The following UCK2 variants were observed in gnomAD, a reference collection of about 807,000 sequenced individuals.
The protein encoded by UCK2 is cytidine monophosphokinase 2.
In UCK2, 6 loss-of-function variants were observed where a neutral mutation model predicts 30.8. The ratio of observed to expected loss-of-function variants is 0.19; its 90% CI spans 0.11 to 0.38. UCK2 has a LOEUF of 0.38. Among genes scored for constraint, UCK2 ranks in the 10% least tolerant of loss-of-function variants. UCK2 has a pLI of 1.00. For missense variants in UCK2, 210 were observed against 339.8 expected, an observed-to-expected ratio of 0.62 and a Z score of 3.00; for synonymous variants, 125 against 133.6, an observed-to-expected ratio of 0.94 and a Z score of 0.45.
rs1452377088 is a variant in UCK2 at position 165,861,640 on chromosome 1, A to C, written c.100-28564A>C. Among the ~76,000 whole-genome samples the C allele has an allele frequency of 6.3e-5, 8 of 126,654 alleles. 1 individual carries two copies. The highest frequency in any genetic ancestry group is 2.5e-4 in the South Asian group (1 of 3,984). 83.1% of individuals were successfully genotyped at this position (126,654 alleles called of 152,430 possible). A position where few individuals can be genotyped will look rare whatever the true frequency, so the allele number is the denominator to read the frequency against. ...GAGACTCCGTCTCAAAAAAAAAAAAAAAAAAAAAACAAAAAAAAACAACAG... is the reference window on the plus strand; with the variant it reads ...GAGACTCCGTCTCAAAAAAAAAAAACAAAAAAAAACAAAAAAAAACAACAG... On this transcript the variant is annotated intron_variant, in intron 1 of 6. Transcript: ENST00000367879.
chr1:165,847,297 C>CAATA (rs1654474754), intron 1 of UCK2, among the ~76,000 whole-genome samples: 1 of 151,992 alleles, frequency 6.6e-6, no homozygotes, highest in Non-Finnish European at 1.5e-5. Flanking sequence ...TTACATAAAA[C>CAATA]AATAAATAAT....
chr1:165,841,111 G>GTA (rs61030546), intron 1 of UCK2, among the ~76,000 whole-genome samples: 1,740 of 144,928 alleles, frequency 0.012, 24 homozygotes, highest in African/African-American at 0.038. Flanking sequence ...GTGTGTGTGT[G>GTA]TATATATATA....
intron 1 of UCK2, among the ~76,000 whole-genome samples, chr1:165,840,139 GA>G (rs1489433709): frequency 6.6e-6 from 1 of 152,170 alleles, no homozygotes; most frequent in Non-Finnish European, 1.5e-5. Context: ...GGCTGGTCTT[GA>G]ATTCCCGACC....
intron 1 of UCK2, chr1:165,885,521 C>T: frequency 5.1e-6 from 2 of 391,884 alleles, no homozygotes; most frequent in Non-Finnish European, 4.5e-6. Context: ...TTTAACCCTC[C>T]CGACTCCAAT....
rs530534672 is a variant in UCK2, at chr1:165,875,264, C to T, written c.100-14940C>T. Among the ~76,000 whole-genome samples, 6 of 152,200 alleles carry T rather than the reference C, an allele frequency of 3.9e-5. No homozygotes were observed. The South Asian group carries it at 6.2e-4, about 16-fold the overall frequency. On this transcript the variant is annotated intron_variant, in intron 1 of 6. Transcript: ENST00000367879. Reference sequence around the variant, plus strand: ...CAGTGTTCTAAGAGGTTGAGTTGCCCGAGATATCACTGGTATGTTAGAGTC... The same window carrying T: ...CAGTGTTCTAAGAGGTTGAGTTGCCTGAGATATCACTGGTATGTTAGAGTC...
chr1:165,893,774 T>C (rs1189002197), intron 3 of UCK2, among the ~76,000 whole-genome samples: 3 of 152,346 alleles, frequency 2.0e-5, no homozygotes, highest in Non-Finnish European at 4.4e-5. Context: ...CTCTGAGCTG[T>C]TATGACAGTT....
At chr1:165,858,491 C>G (rs1211651269) in intron 1 of UCK2, among the ~76,000 whole-genome samples, 1 of 152,182 alleles carries the variant, frequency 6.6e-6, no homozygotes, top group Non-Finnish European at 1.5e-5. Flanking sequence ...ACCAGCTGCT[C>G]TGATAGGCCT....
intron 4 of UCK2, 79 bp downstream of exon 4, chr1:165,896,411 C>T (rs534772198): frequency 1.7e-5 from 27 of 1,550,138 alleles, no homozygotes; most frequent in Non-Finnish European, 2.3e-5. Context: ...GACAGGACCC[C>T]ACCCGCCTGA....
intron 1 of UCK2, among the ~76,000 whole-genome samples, chr1:165,888,055 G>A (rs776032129): frequency 6.6e-6 from 1 of 152,182 alleles, no homozygotes; most frequent in Non-Finnish European, 1.5e-5. Flanking sequence ...ATAACAGGAC[G>A]TATTTTGCAG....
At chr1:165,855,802 G>A (rs1192822205) in intron 1 of UCK2, among the ~76,000 whole-genome samples, 5 of 152,148 alleles carry the variant, frequency 3.3e-5, no homozygotes, top group African/African-American at 1.2e-4. Context: ...GAGCCAGCCT[G>A]GCCCTCTGGA....
chr1:165,870,181 G>A (rs1159094512), intron 1 of UCK2, among the ~76,000 whole-genome samples: 1 of 144,126 alleles, frequency 6.9e-6, no homozygotes, highest in Non-Finnish European at 1.5e-5. Flanking sequence ...ATGGTGTAAA[G>A]TAAGGAAAGG....
intron 1 of UCK2, among the ~76,000 whole-genome samples, chr1:165,869,589 T>A (rs972537575): frequency 6.6e-6 from 1 of 151,916 alleles, no homozygotes; most frequent in African/African-American, 2.4e-5. Flanking sequence ...TAACATTTGT[T>A]CTTTCTAGTT....
intron 1 of UCK2, among the ~76,000 whole-genome samples, chr1:165,831,893 G>T (rs1654057713): frequency 6.6e-6 from 1 of 152,144 alleles, no homozygotes; most frequent in Non-Finnish European, 1.5e-5. Context: ...AGCCTCCTGA[G>T]TAGCTGGGAT....
intron 1 of UCK2, among the ~76,000 whole-genome samples, chr1:165,853,875 A>G (rs959260260): frequency 6.6e-6 from 1 of 152,216 alleles, no homozygotes; most frequent in African/African-American, 2.4e-5. Context: ...CTCTGGATAG[A>G]CACTCAAGGG....
intron 1 of UCK2, among the ~76,000 whole-genome samples, chr1:165,851,168 T>C (rs1390007085): frequency 6.6e-6 from 1 of 152,120 alleles, no homozygotes; most frequent in Non-Finnish European, 1.5e-5. Context: ...TTAGAGTTGG[T>C]CCAGTGCACC....
intron 3 of UCK2, chr1:165,892,277 T>G (rs1655790945): frequency 6.6e-6 from 1 of 151,716 alleles, no homozygotes; most frequent in Non-Finnish European, 1.5e-5. Context: ...CATGGAGGAA[T>G]GAATGAAGGC....
At chr1:165,881,551 G>T (rs556981703) in intron 1 of UCK2, among the ~76,000 whole-genome samples, 1 of 152,302 alleles carries the variant, frequency 6.6e-6, no homozygotes, top group East Asian at 1.9e-4. Flanking sequence ...ACTTTGGTCC[G>T]AGTCACTTAA....
At chr1:165,846,446 T>TAAACA (rs144790251) in intron 1 of UCK2, among the ~76,000 whole-genome samples, 5,034 of 152,132 alleles carry the variant, frequency 0.033, 283 homozygotes, top group African/African-American at 0.11. Context: ...CCCTTTTTTT[T>TAAACA]AAACAAAACA....
chr1:165,895,862 C>T (rs1655884578), intron 3 of UCK2: 1 of 218,654 alleles, frequency 4.6e-6, no homozygotes, highest in Admixed American at 5.5e-5. Context: ...AAAAAGAAAT[C>T]ACATCTGTTT....
Sources: allele counts gnomAD v4.1 joint callset (sites outside exome capture counted in the v4.1 genomes callset), GRCh38; gene constraint gnomAD v4.1.1; transcripts MANE v1.5; gene names NCBI Gene and HGNC (gene_info 2026-07-23, HGNC 2026-07-21).